Variants in NR2E1 observed in about 807,000 individuals in gnomAD.
NR2E1 encodes nuclear receptor TLX.
A neutral mutation model predicts 43.6 loss-of-function variants in NR2E1; 5 were observed. The ratio of observed to expected loss-of-function variants is 0.11; its 90% CI spans 0.06 to 0.24. The LOEUF (loss-of-function observed/expected upper bound fraction) is 0.24. Ranked by LOEUF, NR2E1 falls within the 10% of genes least tolerant of loss-of-function variation. NR2E1 has a pLI of 1.00. For missense variants in NR2E1, 287 were observed against 496.7 expected, an observed-to-expected ratio of 0.58 and a Z score of 4.01; for synonymous variants, 191 against 195.5, an observed-to-expected ratio of 0.98 and a Z score of 0.19.
chr6:108,182,876 C>G (rs1774016044), intron 8 of NR2E1, among the ~76,000 whole-genome samples: 1 of 151,666 alleles, frequency 6.6e-6, no homozygotes, highest in Middle Eastern at 3.4e-3. Context: ...AATTTTTAAA[C>G]TTTTTATAGA....
At chr6:108,168,068 A>T in intron 1 of NR2E1, 1 of 1,603,122 alleles carries the variant, frequency 6.2e-7, no homozygotes, top group Admixed American at 1.7e-5. Flanking sequence ...AGGAGCCCTC[A>T]CCGCGGCCGG....
At chr6:108,181,957 G>C (rs557739400) in intron 8 of NR2E1, among the ~76,000 whole-genome samples, 3 of 152,180 alleles carry the variant, frequency 2.0e-5, no homozygotes, top group Non-Finnish European at 4.4e-5. Flanking sequence ...TGAAGCCTAG[G>C]CTGGGCACAG....
intron 3 of NR2E1, 79 bp from the exon 4 acceptor site, chr6:108,176,424 G>C (rs1045427019): frequency 7.0e-7 from 1 of 1,430,262 alleles, no homozygotes; most frequent in Admixed American, 1.9e-5. Flanking sequence ...ACATTGGGGC[G>C]GGGCTGGGGG....
chr6:108,168,872 G>C (rs1443787127), intron 1 of NR2E1: 1 of 152,456 alleles, frequency 6.6e-6, no homozygotes, highest in Non-Finnish European at 1.5e-5. Flanking sequence ...ACGAGACCCT[G>C]GCCAGTCACC....
At chr6:108,181,077 T>C in intron 7 of NR2E1, 121 bp downstream of exon 7, 1 of 1,080,024 alleles carries the variant, frequency 9.3e-7, no homozygotes, top group Non-Finnish European at 1.4e-6. Context: ...AGGGAGCTGA[T>C]ACTCTTAATC....
intron 8 of NR2E1, among the ~76,000 whole-genome samples, chr6:108,185,411 C>CACACACAT (rs1257323652): frequency 2.9e-4 from 13 of 44,932 alleles, no homozygotes; most frequent in Non-Finnish European, 4.6e-4. Flanking sequence ...CACACACATA[C>CACACACAT]ACACACACAC....
In NR2E1 at chr6:108,188,088, T is replaced by C. The variant is rs1713992832; in HGVS notation, c.*625T>C. ...TTCTTTCTCTTTCTTTTGTTCTTTC[T>C]TCTTCTTTTTTAATACCATAGGCCA... On this transcript the variant is annotated 3_prime_UTR_variant, in exon 9 of 9. Transcript: ENST00000368986. The C allele has an allele frequency of 6.6e-6, 1 of 152,218 alleles. No homozygotes were observed. Among genetic ancestry groups the C allele is most frequent in the Admixed American group, 6.4e-5 (1 of 15,572 alleles). 9.4% of individuals were successfully genotyped at this position (152,218 alleles called of 1,614,324 possible).
At position 108,168,105 on chromosome 6, in the gene NR2E1, C is replaced by T. The variant is rs746054589; in HGVS notation, c.25+1315C>T. 9 of 1,604,340 alleles carry T rather than the reference C, an allele frequency of 5.6e-6. No homozygotes were observed. In the African/African-American group the frequency reaches 1.2e-4, roughly 21 times the overall value. ...ATGCAGAGCGGACCCTGGCCCAGGACTGGGTTTCCCTTTAGGCTCGGGCCT... is the reference window on the plus strand; with the variant it reads ...ATGCAGAGCGGACCCTGGCCCAGGATTGGGTTTCCCTTTAGGCTCGGGCCT... On this transcript the variant is annotated intron_variant, in intron 1 of 8. Transcript: ENST00000368986.
intron 3 of NR2E1, 28 bp from the exon 4 acceptor site, chr6:108,176,475 G>T: frequency 6.2e-7 from 1 of 1,605,862 alleles, no homozygotes; most frequent in South Asian, 1.1e-5. Flanking sequence ...CTAATCGCCG[G>T]CATGCGTTTC....
chr6:108,181,183 CT>C lies in NR2E1; in HGVS notation c.889+236del, dbSNP rs961642978. ...CCAGACCCAATTTCTTTTTTTCTTT[CT>C]TTTTTTTTATTTTTTAAATTTTTGT... On this transcript the variant is annotated intron_variant, in intron 7 of 8. Transcript: ENST00000368986. Among the ~76,000 whole-genome samples, 8 of 151,450 alleles carry C rather than the reference CT, an allele frequency of 5.3e-5. No homozygotes were observed. The East Asian group carries it at 7.7e-4, about 15-fold the overall frequency.
At chr6:108,186,201 T>C (rs962154288) in intron 8 of NR2E1, among the ~76,000 whole-genome samples, 5 of 151,970 alleles carry the variant, frequency 3.3e-5, no homozygotes, top group African/African-American at 1.2e-4. Context: ...CTAGATGTGG[T>C]CTGGTGGCCC....
intron 3 of NR2E1, chr6:108,176,090 G>T (rs1773891759): frequency 5.4e-6 from 1 of 185,728 alleles, no homozygotes; most frequent in Non-Finnish European, 1.1e-5. Context: ...AGTCTGCGCA[G>T]AAACGAGGTG....
chr6:108,166,623 C>A lies in NR2E1; in HGVS notation c.-143C>A, dbSNP rs2114667539. ...TGAGCGCCCAGGGAGCAGCGCAGCG[C>A]GCGACTGACACCCACCTGTCCCGCC... On this transcript the variant is annotated 5_prime_UTR_variant, in exon 1 of 9. Coordinates refer to ENST00000368986, the MANE Select transcript of NR2E1 (RefSeq NM_003269.5). This position sits in a 1 kb window ranked among gnomAD's most constrained non-coding sequence, Gnocchi z 7.2. The A allele has an allele frequency of 1.2e-5, 7 of 605,344 alleles. No individual in the cohort carries two copies. The South Asian group carries it at 1.4e-4, about 12-fold the overall frequency. 37.5% of individuals were successfully genotyped at this position (605,344 alleles called of 1,614,324 possible).
At chr6:108,182,648 TTC>T (rs1774011781) in intron 8 of NR2E1, among the ~76,000 whole-genome samples, 1 of 150,024 alleles carries the variant, frequency 6.7e-6, no homozygotes, top group Non-Finnish European at 1.5e-5. Flanking sequence ...AACCTTCGCC[TTC>T]CGGGTTCAAG....
At chr6:108,172,976 A>G (rs542344303) in intron 2 of NR2E1, among the ~76,000 whole-genome samples, 29 of 152,338 alleles carry the variant, frequency 1.9e-4, no homozygotes, top group African/African-American at 5.5e-4. Context: ...ACCAACTTCT[A>G]CTTAGATTGT....
At chr6:108,181,439 C>G in intron 7 of NR2E1, 107 bp from the exon 8 acceptor site, 1 of 909,234 alleles carries the variant, frequency 1.1e-6, no homozygotes, top group East Asian at 2.4e-5. Context: ...AGTGATCCGC[C>G]TGCCTCGGCC....
intron 3 of NR2E1, 139 bp from the exon 4 acceptor site, chr6:108,176,364 C>T (rs941094502): frequency 1.3e-5 from 9 of 708,720 alleles, no homozygotes; most frequent in South Asian, 3.4e-5. Flanking sequence ...CTCAGATTCC[C>T]TCTCCCTTCT....
intron 8 of NR2E1, among the ~76,000 whole-genome samples, chr6:108,186,836 C>T (rs931663819): frequency 6.6e-6 from 1 of 151,962 alleles, no homozygotes; most frequent in African/African-American, 2.4e-5. Context: ...AAGTATAATG[C>T]CTGAATAATA....
chr6:108,187,555 G>C lies in NR2E1; in HGVS notation c.*92G>C. 7.2e-7 allele frequency: 1 copy of C among 1,387,962 alleles called. No homozygotes were observed. 86.0% of individuals were successfully genotyped at this position (1,387,962 alleles called of 1,614,324 possible). On this transcript the variant is annotated 3_prime_UTR_variant, in exon 9 of 9. Transcript: ENST00000368986. Reference sequence around the variant, plus strand: ...CCTCAACTAACAAACCCTTCAGGAAGCATATACCGGGGAATGTGTAGCCTT... The same window carrying C: ...CCTCAACTAACAAACCCTTCAGGAACCATATACCGGGGAATGTGTAGCCTT...
Sources: gnomAD v4.1 joint callset for allele counts (sites outside exome capture counted in the v4.1 genomes callset) on GRCh38, gnomAD v4.1.1 for gene constraint, Gnocchi (gnomAD v3.1) non-coding constraint, MANE v1.5 for transcripts, NCBI Gene and HGNC (gene_info 2026-07-23, HGNC 2026-07-21) for gene names.